Variants in CFAP43 observed in about 807,000 individuals in gnomAD.
The protein encoded by CFAP43 is cilia and flagella associated protein 43.
A neutral mutation model predicts 218.9 loss-of-function variants in CFAP43; 155 were observed. The ratio of observed to expected loss-of-function variants is 0.71; its 90% CI spans 0.62 to 0.81. The LOEUF (loss-of-function observed/expected upper bound fraction) is 0.81. Ranked by LOEUF, CFAP43 falls within the 30% of genes least tolerant of loss-of-function variation. CFAP43 has a pLI of 0.00. For synonymous variants in CFAP43, 645 were observed against 681.3 expected, an observed-to-expected ratio of 0.95 and a Z score of 0.83; for missense variants, 1,778 against 1,954.3, an observed-to-expected ratio of 0.91 and a Z score of 1.70.
intron 28 of CFAP43, among the ~76,000 whole-genome samples, chr10:104,151,981 T>C (rs1260996743): frequency 6.6e-6 from 1 of 152,248 alleles, no homozygotes; most frequent in Non-Finnish European, 1.5e-5. Flanking sequence ...TTTAAGGGCA[T>C]CACTCTTTGA....
intron 34 of CFAP43, 105 bp from the exon 35 acceptor site, chr10:104,133,889 T>A (rs1374317847): frequency 1.6e-4 from 173 of 1,058,298 alleles, no homozygotes; most frequent in Non-Finnish European, 2.0e-4. Flanking sequence ...GTCACAGAGA[T>A]AATTCTGTCT....
In CFAP43 at chr10:104,232,300, G is replaced by A; in HGVS notation, c.-54C>T. The A allele has an allele frequency of 1.3e-6, 2 of 1,500,034 alleles. No homozygotes were observed. The highest frequency in any genetic ancestry group is 8.9e-7 in the Non-Finnish European group (1 of 1,126,258). 92.9% of individuals were successfully genotyped at this position (1,500,034 alleles called of 1,614,324 possible). A position where few individuals can be genotyped will look rare whatever the true frequency, so the allele number is the denominator to read the frequency against. On this transcript the variant is annotated 5_prime_UTR_variant, in exon 1 of 38. Coordinates refer to ENST00000357060, the MANE Select transcript of CFAP43 (RefSeq NM_025145.7). Reference sequence around the variant, plus strand: ...GCAGCGCACGCAGCACCCCAGGGCGGGTCGGTTACCTTTCCGCCGCCGCGG... The same window carrying A: ...GCAGCGCACGCAGCACCCCAGGGCGAGTCGGTTACCTTTCCGCCGCCGCGG...
intron 22 of CFAP43, among the ~76,000 whole-genome samples, chr10:104,167,208 G>A (rs2089198374): frequency 6.6e-6 from 1 of 152,122 alleles, no homozygotes; most frequent in African/African-American, 2.4e-5. Context: ...AGAGATTATT[G>A]CTTAAAAAGT....
chr10:104,193,141 C>T (rs965423929), intron 11 of CFAP43: 1 of 152,140 alleles, frequency 6.6e-6, no homozygotes, highest in Non-Finnish European at 1.5e-5. Flanking sequence ...AAGTCCAAAT[C>T]TAATGTCTCT....
chr10:104,207,146 C>T (rs1206145426), intron 6 of CFAP43, among the ~76,000 whole-genome samples: 1 of 151,668 alleles, frequency 6.6e-6, no homozygotes, highest in Non-Finnish European at 1.5e-5. Flanking sequence ...GCATCCTAGC[C>T]TGGGTGACAG....
intron 32 of CFAP43, 36 bp downstream of exon 32, chr10:104,143,390 A>T: frequency 6.4e-7 from 1 of 1,551,130 alleles, no homozygotes; most frequent in Non-Finnish European, 8.8e-7. Flanking sequence ...TGATATTAGT[A>T]CACTAAAAAT....
intron 26 of CFAP43, among the ~76,000 whole-genome samples, chr10:104,161,680 G>C (rs1013531099): frequency 3.9e-5 from 6 of 152,062 alleles, no homozygotes; most frequent in African/African-American, 1.4e-4. Context: ...TCTCAGGCTG[G>C]AGTGCAGTGG....
rs1189454222 is a variant in CFAP43, at chr10:104,179,853, T to C, written c.2369A>G (p.Gln790Arg). ...DVKKEIPWIQ[Q>R]KSQEAIKKEV... ...TTTCACAAATACCTCTTGGCTTTTT[T>C]GTTGTATCCAAGGAATTTCCTTCTT... is the stretch of plus-strand genomic sequence containing the variant. Residue 790 changes from glutamine (Q) to arginine (R), a missense_variant, in exon 18 of 38, where the codon CAA becomes CGA. Around this residue, in one of 3 missense-constraint regions of CFAP43, gnomAD observed 1,553 missense variants for 1,685.2 expected, o/e 0.92. Coordinates refer to ENST00000357060, the MANE Select transcript of CFAP43 (RefSeq NM_025145.7). The C allele has an allele frequency of 1.9e-6, 3 of 1,613,456 alleles. No individual in the cohort carries two copies. The East Asian group carries it at 6.7e-5, about 36-fold the overall frequency.
intron 24 of CFAP43, among the ~76,000 whole-genome samples, chr10:104,163,112 A>G (rs1431118356): frequency 9.2e-5 from 14 of 152,174 alleles, no homozygotes; most frequent in Admixed American, 9.2e-4. Context: ...AGTACAGCAG[A>G]GTGCACAGGT....
intron 6 of CFAP43, among the ~76,000 whole-genome samples, chr10:104,207,180 A>AC (rs1554886500): frequency 6.6e-6 from 1 of 151,804 alleles, no homozygotes; most frequent in Non-Finnish European, 1.5e-5. Context: ...CTAAAAAAAA[A>AC]CCAAAAAAAC....
Position 104,131,584 on chromosome 10 carries a change from A to T in CFAP43, c.4678-100T>A, listed in dbSNP as rs1361150355. On this transcript the variant is annotated intron_variant, in intron 36 of 37. Coordinates refer to ENST00000357060, the MANE Select transcript of CFAP43 (RefSeq NM_025145.7). ...CTTATATTTTAAATACATTATCATC[A>T]TTAAGATAACATCTTACCGCCATAT... The T allele has an allele frequency of 3.1e-6, 4 of 1,307,808 alleles. No homozygotes were observed. The East Asian group carries it at 1.0e-4, about 34-fold the overall frequency. 81.0% of individuals were successfully genotyped at this position (1,307,808 alleles called of 1,614,324 possible).
At chr10:104,143,282 T>C in intron 32 of CFAP43, 144 bp downstream of exon 32, 1 of 716,464 alleles carries the variant, frequency 1.4e-6, no homozygotes, top group East Asian at 2.7e-5. Flanking sequence ...GTTAATATAG[T>C]ATTTCATTAT....
At chr10:104,169,185 C>T (rs1199323643) in intron 20 of CFAP43, among the ~76,000 whole-genome samples, 2 of 152,170 alleles carry the variant, frequency 1.3e-5, no homozygotes, top group Admixed American at 1.3e-4. Context: ...CTAATGTGCA[C>T]AAAGCCTGCT....
chr10:104,232,048 TG>T, intron 1 of CFAP43, 133 bp downstream of exon 1: 1 of 958,320 alleles, frequency 1.0e-6, no homozygotes, highest in Non-Finnish European at 1.5e-6. Context: ...GGGAAGGCAC[TG>T]GGGGCAGAGG....
At chr10:104,199,382 T>C (rs2090465812) in intron 8 of CFAP43, among the ~76,000 whole-genome samples, 3 of 152,138 alleles carry the variant, frequency 2.0e-5, no homozygotes, top group Admixed American at 2.0e-4. Flanking sequence ...TTTATAGGAG[T>C]TCAAAATTTG....
intron 34 of CFAP43, among the ~76,000 whole-genome samples, chr10:104,134,735 T>C (rs538782850): frequency 3.3e-5 from 5 of 152,036 alleles, no homozygotes; most frequent in Non-Finnish European, 7.4e-5. Context: ...GAATCAGTTA[T>C]CAAAAACCTC....
At chr10:104,178,935 AGGTATAGTTCCTCAG>A (rs2089723541) in intron 19 of CFAP43, 79 bp downstream of exon 19, 2 of 806,810 alleles carry the variant, frequency 2.5e-6, no homozygotes, top group South Asian at 4.4e-5. Flanking sequence ...GAGAAAAGGG[AGGTATAGTTCCTCAG>A]GGTAGAACAA....
intron 34 of CFAP43, among the ~76,000 whole-genome samples, chr10:104,140,531 G>T (rs972515761): frequency 1.3e-5 from 2 of 152,338 alleles, no homozygotes; most frequent in African/African-American, 4.8e-5. Context: ...TTGGCCAGGT[G>T]CAGTGGCTCC....
chr10:104,145,714 CTG>C (rs1480606216), intron 30 of CFAP43, 150 bp from the exon 31 acceptor site: 2 of 505,196 alleles, frequency 4.0e-6, no homozygotes, highest in Non-Finnish European at 7.1e-6. Flanking sequence ...TAACCATTCT[CTG>C]TGCAATGATG....
Sources: allele counts gnomAD v4.1 joint callset (sites outside exome capture counted in the v4.1 genomes callset), GRCh38; gene constraint gnomAD v4.1.1; regional missense constraint gnomAD v4.1.1; transcripts MANE v1.5; gene names NCBI Gene and HGNC (gene_info 2026-07-23, HGNC 2026-07-21).